The following VSTM1 variants were observed in gnomAD, a reference collection of about 807,000 sequenced individuals.
VSTM1 encodes V-set and transmembrane domain-containing protein 1.
A neutral mutation model predicts 33.1 loss-of-function variants in VSTM1; 27 were observed. The ratio of observed to expected loss-of-function variants is 0.82; its 90% CI spans 0.60 to 1.12. VSTM1 has a LOEUF of 1.12. Ranked by LOEUF, VSTM1 falls within the 50% of genes most tolerant of loss-of-function variation. The pLI, the probability that VSTM1 is intolerant of heterozygous loss-of-function variation, is 0.00. For missense variants in VSTM1, 304 were observed against 288.9 expected (o/e 1.05, Z -0.38); for synonymous variants, 115 against 110.3 (o/e 1.04, Z -0.27).
At position 54,042,493 on chromosome 19, in the gene VSTM1, G is replaced by A. The variant is rs573711269; in HGVS notation, c.395-124C>T. On this transcript the variant is annotated intron_variant, in intron 4 of 8. Transcript: ENST00000338372. Reference sequence around the variant, plus strand: ...CTTCCAAGCCTGGATCTCCCACCTCGGAGCTGGAACTTCCTATTGCTTTGG... The same window carrying A: ...CTTCCAAGCCTGGATCTCCCACCTCAGAGCTGGAACTTCCTATTGCTTTGG... 9 of 1,386,594 alleles carry A rather than the reference G, an allele frequency of 6.5e-6. No individual in the cohort carries two copies. The Admixed American group carries it at 8.2e-5, about 13-fold the overall frequency. 85.9% of individuals were successfully genotyped at this position (1,386,594 alleles called of 1,614,324 possible). A position where few individuals can be genotyped will look rare whatever the true frequency, so the allele number is the denominator to read the frequency against.
intron 4 of VSTM1, among the ~76,000 whole-genome samples, chr19:54,048,087 T>A (rs2070682262): frequency 6.7e-6 from 1 of 150,152 alleles, no homozygotes; most frequent in East Asian, 2.1e-4. Context: ...GCTGGGGACA[T>A]CATACCTGTG....
At chr19:54,058,226 CA>C (rs2071198961) in intron 3 of VSTM1, 79 bp downstream of exon 3, 3 of 1,195,066 alleles carry the variant, frequency 2.5e-6, no homozygotes, top group African/African-American at 1.5e-5. Context: ...GGAGACACAG[CA>C]AGACTCTGTC....
At chr19:54,063,402 G>T (rs2071491229) in intron 1 of VSTM1, among the ~76,000 whole-genome samples, 1 of 151,990 alleles carries the variant, frequency 6.6e-6, no homozygotes, top group African/African-American at 2.4e-5. Flanking sequence ...TTGTCTTTTT[G>T]CCCACAGCCT....
chr19:54,058,550 C>T lies in VSTM1; in HGVS notation c.111G>A (p.Ser37=), dbSNP rs752824973. 28 of 1,614,028 alleles carry T rather than the reference C, an allele frequency of 1.7e-5. No individual in the cohort carries two copies. Among genetic ancestry groups the T allele is most frequent in the South Asian group, 1.1e-4 (10 of 91,080 alleles). ...PKPSLHAWPS[S]VVEAESNVTL... is the part of the protein sequence containing the mutation. ...TCACATTGCTCTCGGCTTCAACCAC[C>T]GAGCTGGGCCAGGCGTGGAGGGAGG... Residue 37 remains serine, a synonymous_variant, in exon 3 of 9, where the codon TCG becomes TCA. Transcript: ENST00000338372.
Position 54,058,526 on chromosome 19 carries a change from C to G in VSTM1, c.135G>C (p.Val45=), listed in dbSNP as rs2071224324. The change falls in exon 3 of 9, where the codon GTG becomes GTC. Residue 45 remains valine, a synonymous_variant. Coordinates refer to ENST00000338372, the MANE Select transcript of VSTM1 (RefSeq NM_198481.4). ...GGGAATGAGCCTGACACTTCAGGGT[C>G]ACATTGCTCTCGGCTTCAACCACCG... ...PSSVVEAESN[V]TLKCQAHSQN... 6.2e-7 allele frequency: 1 copy of G among 1,613,956 alleles called. No individual in the cohort carries two copies. Among genetic ancestry groups the G allele is most frequent in the Non-Finnish European group, 8.5e-7 (1 of 1,180,032 alleles).
At position 54,056,618 on chromosome 19, in the gene VSTM1, A is replaced by G. The variant is rs977306813; in HGVS notation, c.355+1688T>C. 6.5e-5 allele frequency among the ~76,000 whole-genome samples: 9 copies of G among 139,416 alleles called. 2 individuals carry two copies. The highest frequency in any genetic ancestry group is 1.3e-4 in the Non-Finnish European group (8 of 63,712). 91.5% of individuals were successfully genotyped at this position (139,416 alleles called of 152,430 possible). ...CTCATTGACCCTGGTGCTTCCCCAC[A>G]TACTCCCCCCAGTATAGCCTTCCTC... On this transcript the variant is annotated intron_variant, in intron 3 of 8. Coordinates refer to ENST00000338372, the MANE Select transcript of VSTM1 (RefSeq NM_198481.4).
At chr19:54,062,526 C>G (rs2071443282) in intron 1 of VSTM1, among the ~76,000 whole-genome samples, 1 of 151,880 alleles carries the variant, frequency 6.6e-6, no homozygotes. Context: ...AGTTTGAGAC[C>G]AGCCTGGCCA....
Position 54,058,376 on chromosome 19 carries a change from A to G in VSTM1, c.285T>C (p.Phe95=), listed in dbSNP as rs142145071. ...DLKPKDAGRY[F]CAYKTTASHE... ...GGGAGGCTGTTGTCTTGTAGGCACAAAAGTACCTCCCAGCATCCTTAGGCT... is the reference window on the plus strand; with the variant it reads ...GGGAGGCTGTTGTCTTGTAGGCACAGAAGTACCTCCCAGCATCCTTAGGCT... Residue 95 remains phenylalanine, a synonymous_variant, in exon 3 of 9, where the codon TTT becomes TTC. Coordinates refer to ENST00000338372, the MANE Select transcript of VSTM1 (RefSeq NM_198481.4). 2.3e-4 allele frequency: 368 copies of G among 1,614,148 alleles called. No individual in the cohort carries two copies. In the African/African-American group the frequency reaches 4.1e-3, roughly 18 times the overall value.
intron 1 of VSTM1, 47 bp from the exon 2 acceptor site, chr19:54,058,779 A>C (rs373862388): frequency 1.6e-4 from 248 of 1,593,674 alleles, no homozygotes; most frequent in Non-Finnish European, 2.1e-4. Context: ...CTTGTCCTTG[A>C]GTACAAATCC....
At chr19:54,058,761 A>G in intron 1 of VSTM1, 29 bp from the exon 2 acceptor site, 1 of 1,612,342 alleles carries the variant, frequency 6.2e-7, no homozygotes, top group Non-Finnish European at 8.5e-7. Context: ...TGAGAGAAAA[A>G]TTATGTGCTT....
Position 54,043,451 on chromosome 19 carries a change from G to A in VSTM1, c.395-1082C>T, listed in dbSNP as rs147659047. Among the ~76,000 whole-genome samples the A allele has an allele frequency of 7.5e-3, 1,124 of 150,016 alleles. 10 individuals are homozygous for A. Among genetic ancestry groups the A allele is most frequent in the Non-Finnish European group, 0.011 (774 of 67,710 alleles). On this transcript the variant is annotated intron_variant, in intron 4 of 8. Transcript: ENST00000338372. The stretch of plus-strand genomic sequence containing the variant: ...TTTGAGACAAAGTCTCACTCTTATC[G>A]TCCAGGCTGGAGTGCAATAGTGCAA...
At chr19:54,043,221 T>C (rs2070408021) in intron 4 of VSTM1, among the ~76,000 whole-genome samples, 2 of 151,894 alleles carry the variant, frequency 1.3e-5, no homozygotes, top group African/African-American at 2.4e-5. Context: ...CTTTAAGACT[T>C]TAAGAGAAAA....
Position 54,041,958 on chromosome 19 carries a change from A to AAGAG in VSTM1, c.516-9_516-6dup, listed in dbSNP as rs750879691. On this transcript the variant is annotated splice_polypyrimidine_tract_variant and splice_region_variant and intron_variant, in intron 6 of 8. Transcript: ENST00000338372. The stretch of plus-strand genomic sequence containing the variant: ...GGAAGTTTGGAATGGCTGGTTCTGA[A>AAGAG]AGAGAGAGACACACGTGAAAGGATG... 3 of 1,613,976 alleles carry AAGAG rather than the reference A, an allele frequency of 1.9e-6. No homozygotes were observed. The African/African-American group carries it at 4.0e-5, about 22-fold the overall frequency.
Position 54,040,964 on chromosome 19 carries a change from C to G in VSTM1, c.708G>C (p.Val236=). ...PGSHEYAALK[V] is the part of the protein sequence containing the mutation. ...AGTGGCCAGGGCTGTCTTCTTGCTA[C>G]ACTTTCAGTGCCGCATATTCATGAG... The change falls in exon 9 of 9, where the codon GTG becomes GTC. Residue 236 remains valine, a synonymous_variant. Transcript: ENST00000338372. 6.2e-7 allele frequency: 1 copy of G among 1,609,658 alleles called. No individual in the cohort carries two copies. The highest frequency in any genetic ancestry group is 8.5e-7 in the Non-Finnish European group (1 of 1,178,134).
intron 4 of VSTM1, among the ~76,000 whole-genome samples, chr19:54,049,512 A>G (rs1212056198): frequency 2.6e-5 from 4 of 152,212 alleles, no homozygotes; most frequent in African/African-American, 7.2e-5. Flanking sequence ...TGTGAATTAT[A>G]TATCAATAAA....
intron 4 of VSTM1, among the ~76,000 whole-genome samples, chr19:54,051,199 G>A (rs747316251): frequency 7.2e-5 from 11 of 152,092 alleles, no homozygotes; most frequent in South Asian, 2.1e-4. Flanking sequence ...GGCTGAGGCA[G>A]GAAAATTGCT....
At chr19:54,055,321 C>T (rs2071038055) in intron 3 of VSTM1, among the ~76,000 whole-genome samples, 1 of 142,012 alleles carries the variant, frequency 7.0e-6, no homozygotes, top group Admixed American at 7.3e-5. Context: ...CTGTGAAGCT[C>T]ATTGTTTTTG....
chr19:54,056,081 C>G (rs1349711988), intron 3 of VSTM1, among the ~76,000 whole-genome samples: 1 of 140,114 alleles, frequency 7.1e-6, no homozygotes, highest in Admixed American at 7.4e-5. Context: ...TTATGGGGCT[C>G]TCACACTCAA....
chr19:54,060,372 T>C (rs2071335659), intron 1 of VSTM1, among the ~76,000 whole-genome samples: 1 of 152,064 alleles, frequency 6.6e-6, no homozygotes, highest in African/African-American at 2.4e-5. Flanking sequence ...CAGGGTGAAG[T>C]TACGTAGAAT....
Sources: gnomAD v4.1 joint callset for allele counts (sites outside exome capture counted in the v4.1 genomes callset) on GRCh38, gnomAD v4.1.1 for gene constraint, MANE v1.5 for transcripts, NCBI Gene and HGNC (gene_info 2026-07-23, HGNC 2026-07-21) for gene names.